Variants in NPEPPS observed in about 807,000 individuals in gnomAD.
The protein encoded by NPEPPS is puromycin-sensitive aminopeptidase.
A neutral mutation model predicts 115.5 loss-of-function variants in NPEPPS; 14 were observed. The observed-to-expected ratio is 0.12, with a 90% CI of 0.08 to 0.19. NPEPPS has a LOEUF of 0.19. NPEPPS is among the 10% of genes least tolerant of loss of function. The probability of loss-of-function intolerance (pLI) is 1.00; values close to 1 mark genes in which losing one functional copy is unlikely to be tolerated. For missense variants in NPEPPS, 523 were observed against 1,110.8 expected, an observed-to-expected ratio of 0.47 and a Z score of 7.52; for synonymous variants, 285 against 390.6, an observed-to-expected ratio of 0.73 and a Z score of 3.19.
In NPEPPS at chr17:47,590,771, C is replaced by G. The variant is rs752513715; in HGVS notation, c.1150C>G (p.Leu384Val). ...AGGTTTTGCATCCTGGATTGAATAT[C>G]TGTGTGTAGACCACTGCTTCCCAGA... is the stretch of plus-strand genomic sequence containing the variant. The part of the protein sequence containing the change: ...NEGFASWIEY[L>V]CVDHCFPEYD... Residue 384 changes from leucine (L) to valine (V), a missense_variant, in exon 10 of 23, where the codon CTG (leucine) becomes GTG (valine). This residue lies in a region of NPEPPS where 144 missense variants were observed against 512.4 expected (regional missense o/e 0.28). Coordinates refer to ENST00000322157, the MANE Select transcript of NPEPPS (RefSeq NM_006310.4). 1.2e-6 allele frequency: 2 copies of G among 1,603,660 alleles called. No individual in the cohort carries two copies. The highest frequency in any genetic ancestry group is 1.7e-6 in the Non-Finnish European group (2 of 1,174,062).
At chr17:47,610,929 C>G (rs1294764037) in intron 17 of NPEPPS, among the ~76,000 whole-genome samples, 1 of 144,444 alleles carries the variant, frequency 6.9e-6, no homozygotes, top group Non-Finnish European at 1.5e-5. Flanking sequence ...TCTCAGCTCA[C>G]TGCAACCTCC....
intron 1 of NPEPPS, among the ~76,000 whole-genome samples, chr17:47,545,032 ACTCTGTTGTTCAGGCC>A (rs1909096068): frequency 6.7e-6 from 1 of 150,182 alleles, no homozygotes; most frequent in Non-Finnish European, 1.5e-5. Context: ...ACAGAGTCTC[ACTCTGTTGTTCAGGCC>A]GGAGGTCAGT....
chr17:47,574,245 C>G (rs1911371587), intron 3 of NPEPPS, among the ~76,000 whole-genome samples: 1 of 151,732 alleles, frequency 6.6e-6, no homozygotes, highest in Non-Finnish European at 1.5e-5. Context: ...AGAGCAGAAA[C>G]AAATGAAATA....
intron 17 of NPEPPS, among the ~76,000 whole-genome samples, chr17:47,610,542 C>T (rs1734151880): frequency 2.0e-5 from 3 of 151,910 alleles, no homozygotes; most frequent in Admixed American, 6.6e-5. Flanking sequence ...CGCCACCACG[C>T]CCAGCTAATT....
At chr17:47,534,424 A>C (rs1908046508) in intron 1 of NPEPPS, among the ~76,000 whole-genome samples, 1 of 152,200 alleles carries the variant, frequency 6.6e-6, no homozygotes, top group Admixed American at 6.5e-5. Context: ...CTGATATTGG[A>C]TCAGTTTCCT....
intron 17 of NPEPPS, among the ~76,000 whole-genome samples, chr17:47,606,039 G>T (rs1480092642): frequency 6.6e-6 from 1 of 151,932 alleles, no homozygotes; most frequent in East Asian, 1.9e-4. Context: ...CACCACGCCT[G>T]GTTACTTTTA....
chr17:47,575,460 C>CGT (rs1397380783), intron 3 of NPEPPS, among the ~76,000 whole-genome samples: 2 of 151,452 alleles, frequency 1.3e-5, no homozygotes, highest in Admixed American at 1.3e-4. Flanking sequence ...TATGACCATT[C>CGT]GTATAGTATG....
At chr17:47,556,120 G>C (rs988761133) in intron 2 of NPEPPS, among the ~76,000 whole-genome samples, 1 of 130,590 alleles carries the variant, frequency 7.7e-6, no homozygotes, top group Admixed American at 8.5e-5. Flanking sequence ...GGTGTTTCTT[G>C]CAGAGGGGGA....
At chr17:47,546,344 T>C (rs1390228288) in intron 2 of NPEPPS, among the ~76,000 whole-genome samples, 5 of 152,006 alleles carry the variant, frequency 3.3e-5, no homozygotes, top group Non-Finnish European at 7.4e-5. Flanking sequence ...GAGGATCTAT[T>C]GAGCCCAGGT....
At chr17:47,601,268 T>A (rs1048549095) in intron 14 of NPEPPS, among the ~76,000 whole-genome samples, 16 of 151,802 alleles carry the variant, frequency 1.1e-4, no homozygotes, top group African/African-American at 2.9e-4. Context: ...ATATATATAT[T>A]TTTTGTTGTT....
At chr17:47,555,963 T>C (rs947010172) in intron 2 of NPEPPS, among the ~76,000 whole-genome samples, 2 of 151,074 alleles carry the variant, frequency 1.3e-5, no homozygotes, top group African/African-American at 4.8e-5. Flanking sequence ...ATTTTATTTA[T>C]TTGTGCCTTC....
chr17:47,611,497 C>G (rs1913875074), intron 17 of NPEPPS, among the ~76,000 whole-genome samples: 1 of 151,832 alleles, frequency 6.6e-6, no homozygotes, highest in Non-Finnish European at 1.5e-5. Context: ...TGCTCTGTGC[C>G]CAGGCTGGAG....
chr17:47,536,701 CTTCTT>C (rs1908316255), intron 1 of NPEPPS, among the ~76,000 whole-genome samples: 1 of 94,160 alleles, frequency 1.1e-5, no homozygotes, highest in African/African-American at 3.6e-5. Flanking sequence ...CCGTGCCTGG[CTTCTT>C]TTTTTTTTTT....
At position 47,531,362 on chromosome 17, in the gene NPEPPS, C is replaced by T. The variant is rs914958567; in HGVS notation, c.62C>T (p.Pro21Leu). The T allele has an allele frequency of 3.3e-6, 5 of 1,525,414 alleles. No homozygotes were observed. Among genetic ancestry groups the T allele is most frequent in the Non-Finnish European group, 4.4e-6 (5 of 1,127,386 alleles). 94.5% of individuals were successfully genotyped at this position (1,525,414 alleles called of 1,614,324 possible). A position where few individuals can be genotyped will look rare whatever the true frequency, so the allele number is the denominator to read the frequency against. Residue 21 changes from proline to leucine, a missense_variant, in exon 1 of 23, where the codon CCT becomes CTT. Pro to Leu is a moderately conservative substitution (Grantham distance 98, BLOSUM62 -3). Coordinates refer to ENST00000322157, the MANE Select transcript of NPEPPS (RefSeq NM_006310.4). ...ARRLLFLGPP[P>L]PPLLLLVFSR... is the part of the protein sequence containing the mutation. ...CGCCTGCTCTTCCTCGGCCCTCCGCCTCCTCCCCTCCTCCTTCTCGTCTTC... is the reference window on the plus strand; with the variant it reads ...CGCCTGCTCTTCCTCGGCCCTCCGCTTCCTCCCCTCCTCCTTCTCGTCTTC...
intron 1 of NPEPPS, among the ~76,000 whole-genome samples, chr17:47,537,766 C>G (rs1246339453): frequency 6.6e-6 from 1 of 150,632 alleles, no homozygotes; most frequent in Non-Finnish European, 1.5e-5. Flanking sequence ...TCTTTTTATG[C>G]TTTGCAATTC....
chr17:47,525,021 C>T (rs1907379353), intron 1 of NPEPPS, among the ~76,000 whole-genome samples: 1 of 151,776 alleles, frequency 6.6e-6, no homozygotes, highest in Non-Finnish European at 1.5e-5. Flanking sequence ...GGCTAAGGAT[C>T]TTGGGACATT....
intron 10 of NPEPPS, chr17:47,591,698 A>G (rs1912514799): frequency 2.9e-6 from 1 of 339,576 alleles, no homozygotes; most frequent in Admixed American, 4.6e-5. Flanking sequence ...AAAAATAAAC[A>G]GAACCATAGT....
At chr17:47,560,602 T>G (rs987996457) in intron 2 of NPEPPS, among the ~76,000 whole-genome samples, 1 of 152,172 alleles carries the variant, frequency 6.6e-6, no homozygotes, top group Non-Finnish European at 1.5e-5. Flanking sequence ...AAGTTCCTGG[T>G]TCCATTTTTC....
intron 10 of NPEPPS, 126 bp downstream of exon 10, chr17:47,591,007 A>C: frequency 7.3e-7 from 1 of 1,361,498 alleles, no homozygotes; most frequent in Non-Finnish European, 9.9e-7. Context: ...TTACTGGTTC[A>C]TATTTCTAGT....
Sources: allele counts gnomAD v4.1 joint callset (sites outside exome capture counted in the v4.1 genomes callset), GRCh38; gene constraint gnomAD v4.1.1; regional missense constraint gnomAD v4.1.1; transcripts MANE v1.5; gene names NCBI Gene and HGNC (gene_info 2026-07-23, HGNC 2026-07-21).